Variants in MID1 observed in about 807,000 individuals in gnomAD.
MID1 encodes E3 ubiquitin-protein ligase Midline-1.
In MID1, 7 loss-of-function variants were observed where a neutral mutation model predicts 40.4. The observed-to-expected ratio is 0.17, with a 90% CI of 0.10 to 0.33. MID1 has a LOEUF of 0.33. Ranked by LOEUF, MID1 falls within the 10% of genes least tolerant of loss-of-function variation. The pLI is 1.00. For missense variants in MID1, 367 were observed against 558.5 expected (o/e 0.66, Z 3.46); for synonymous variants, 229 against 221.2 (o/e 1.04, Z -0.31).
chrX:10,586,420 C>T (rs1263901523), intron 1 of MID1, among the ~76,000 whole-genome samples: 2 of 111,506 alleles, frequency 1.8e-5, no homozygotes, highest in African/African-American at 6.5e-5. Flanking sequence ...GTACAGCTCT[C>T]GGTCTACTGA....
At chrX:10,755,525 T>C (rs1338693426) in intron 1 of MID1, among the ~76,000 whole-genome samples, 1 of 112,051 alleles carries the variant, frequency 8.9e-6, no homozygotes, top group African/African-American at 3.2e-5. Flanking sequence ...CCCTACTTCA[T>C]GGCAAAGACA....
intron 4 of MID1, among the ~76,000 whole-genome samples, chrX:10,494,104 C>A (rs1931100829): frequency 8.9e-6 from 1 of 112,314 alleles, no homozygotes; most frequent in Non-Finnish European, 1.9e-5. Context: ...AGCTTTTCGG[C>A]ACATGTGAGT....
chrX:10,575,314 A>C (rs1934842854), intron 1 of MID1, among the ~76,000 whole-genome samples: 1 of 112,105 alleles, frequency 8.9e-6, no homozygotes, highest in Admixed American at 9.5e-5. Context: ...ACAGACTTTC[A>C]GAGGACTCAA....
intron 1 of MID1, among the ~76,000 whole-genome samples, chrX:10,603,202 T>C (rs1372150784): frequency 1.8e-5 from 2 of 112,066 alleles, no homozygotes; most frequent in Non-Finnish European, 3.8e-5. Context: ...TTGATTAATA[T>C]CCTAAATCCT....
At chrX:10,721,067 AGG>A (rs1364682823) in intron 1 of MID1, among the ~76,000 whole-genome samples, 1 of 90,612 alleles carries the variant, frequency 1.1e-5, no homozygotes, top group African/African-American at 4.3e-5. Context: ...GGGAGGCGGG[AGG>A]GATAGCATTA....
At chrX:10,737,233 G>GTGATT (rs1413868688) in intron 1 of MID1, among the ~76,000 whole-genome samples, 2 of 112,633 alleles carry the variant, frequency 1.8e-5, no homozygotes, top group Non-Finnish European at 3.7e-5. Flanking sequence ...AAGGATGAGA[G>GTGATT]TGATTTGACA....
chrX:10,569,574 T>C (rs992061289), intron 1 of MID1, among the ~76,000 whole-genome samples: 4 of 112,280 alleles, frequency 3.6e-5, no homozygotes, highest in African/African-American at 9.7e-5. Context: ...CAGAAGCATA[T>C]AAATTAAAGG....
chrX:10,602,225 CTTT>C (rs56897260), intron 1 of MID1, among the ~76,000 whole-genome samples: 18 of 83,508 alleles, frequency 2.2e-4, no homozygotes, highest in African/African-American at 4.9e-4. Flanking sequence ...TAGTTTCTGA[CTTT>C]TTTTTTTTTT....
chrX:10,644,853 A>T (rs1315131763), intron 1 of MID1, among the ~76,000 whole-genome samples: 1 of 111,853 alleles, frequency 8.9e-6, no homozygotes, highest in Non-Finnish European at 1.9e-5. Flanking sequence ...TATGTATCCA[A>T]AGCCCAGTTT....
intron 1 of MID1, among the ~76,000 whole-genome samples, chrX:10,720,801 A>G (rs1286956751): frequency 2.7e-5 from 3 of 110,351 alleles, no homozygotes; most frequent in African/African-American, 9.9e-5. Context: ...ACCAACCCAA[A>G]TGTCCAACAA....
chrX:10,663,110 T>C (rs1291309611), intron 1 of MID1, among the ~76,000 whole-genome samples: 4 of 111,899 alleles, frequency 3.6e-5, no homozygotes, highest in African/African-American at 1.3e-4. Flanking sequence ...CTTTTCTTTT[T>C]TTTTAAAGTT....
At chrX:10,718,092 C>G (rs1375052558) in intron 1 of MID1, among the ~76,000 whole-genome samples, 2 of 111,668 alleles carry the variant, frequency 1.8e-5, no homozygotes, top group Non-Finnish European at 3.8e-5. Flanking sequence ...CAAGAGAAAG[C>G]AGGAAAGATC....
chrX:10,700,837 G>C (rs1404081330), intron 1 of MID1, among the ~76,000 whole-genome samples: 1 of 111,822 alleles, frequency 8.9e-6, no homozygotes, highest in Non-Finnish European at 1.9e-5. Flanking sequence ...ATGTTCTTTT[G>C]TGACATCGTG....
chrX:10,531,340 C>T (rs1458592927), intron 2 of MID1, among the ~76,000 whole-genome samples: 2 of 112,127 alleles, frequency 1.8e-5, no homozygotes, highest in Non-Finnish European at 3.8e-5. Flanking sequence ...ACTCGACAGA[C>T]CGCAAATACA....
At position 10,831,289 on chromosome X, in the gene MID1, TG is replaced by T. The variant is rs542888264; in HGVS notation, c.-187+2264del. On this transcript the variant is annotated intron_variant, in intron 1 of 10. Transcript: ENST00000380785. ...AGTTTGCAGCAAACCATACTTCATA[TG>T]GTGCACACTATACTTCTCTCAGGGA... Among the ~76,000 whole-genome samples the T allele has an allele frequency of 6.2e-4, 70 of 112,241 alleles. No individual in the cohort carries two copies. The South Asian group carries it at 0.025, about 40-fold the overall frequency.
intron 1 of MID1, among the ~76,000 whole-genome samples, chrX:10,751,788 A>G (rs1239744675): frequency 8.9e-6 from 1 of 112,018 alleles, no homozygotes; most frequent in East Asian, 2.8e-4. Flanking sequence ...TATGGTTTAG[A>G]TATTGTCCCC....
chrX:10,579,956 T>G (rs923416181), intron 1 of MID1, among the ~76,000 whole-genome samples: 1 of 110,491 alleles, frequency 9.1e-6, no homozygotes, highest in Non-Finnish European at 1.9e-5. Flanking sequence ...GCGTCGGGAC[T>G]GTGTGTCTGT....
chrX:10,559,213 C>T (rs1003862306), intron 2 of MID1, among the ~76,000 whole-genome samples: 9 of 112,201 alleles, frequency 8.0e-5, no homozygotes, highest in African/African-American at 2.9e-4. Context: ...ATTGTATACA[C>T]GTTTGGAAAT....
At position 10,445,624 on chromosome X, in the gene MID1, C is replaced by T. The variant is rs991916372; in HGVS notation, c.*3744G>A. On this transcript the variant is annotated 3_prime_UTR_variant, in exon 10 of 10. Coordinates refer to ENST00000317552, the MANE Select transcript of MID1 (RefSeq NM_000381.4). ...CAGCAATCAAGACAATAGTCAGGGCCGAGGGCTTGGCAGTGTGACTTAAGT... is the reference window on the plus strand; with the variant it reads ...CAGCAATCAAGACAATAGTCAGGGCTGAGGGCTTGGCAGTGTGACTTAAGT... The T allele has an allele frequency of 3.6e-5, 4 of 111,252 alleles. No homozygotes were observed. Among genetic ancestry groups the T allele is most frequent in the Non-Finnish European group, 5.7e-5 (3 of 53,083 alleles). The allele number at this position is 111,252 out of a possible 1,213,427, so 9.2% of individuals were successfully genotyped here.
Sources: allele counts gnomAD v4.1 joint callset (sites outside exome capture counted in the v4.1 genomes callset), GRCh38; gene constraint gnomAD v4.1.1; transcripts MANE v1.5; gene names NCBI Gene and HGNC (gene_info 2026-07-23, HGNC 2026-07-21).